Variants in RRP12 observed in about 807,000 individuals in gnomAD.
The protein encoded by RRP12 is RRP12-like protein.
A neutral mutation model predicts 157.3 loss-of-function variants in RRP12; 78 were observed. The ratio of observed to expected loss-of-function variants is 0.50; its 90% CI spans 0.41 to 0.60. The LOEUF is 0.60. Among genes scored for constraint, RRP12 ranks in the 20% least tolerant of loss-of-function variants. RRP12 has a pLI of 0.00. For synonymous variants in RRP12, 726 were observed against 670.9 expected, an observed-to-expected ratio of 1.08 and a Z score of -1.27; for missense variants, 1,521 against 1,679.9, an observed-to-expected ratio of 0.91 and a Z score of 1.65.
At chr10:97,362,216 T>G (rs1843862520) in intron 30 of RRP12, among the ~76,000 whole-genome samples, 2 of 151,792 alleles carry the variant, frequency 1.3e-5, no homozygotes, top group Admixed American at 1.3e-4. Flanking sequence ...GCCCTCTCAG[T>G]GCCTGGAGAC....
chr10:97,378,623 G>A (rs966669284), intron 15 of RRP12, among the ~76,000 whole-genome samples: 1 of 152,090 alleles, frequency 6.6e-6, no homozygotes, highest in Non-Finnish European at 1.5e-5. Flanking sequence ...TTGGGAGGCC[G>A]AGGCAGGCAG....
At chr10:97,381,933 G>C (rs2133070049) in intron 10 of RRP12, 107 bp from the exon 11 acceptor site, 1 of 733,354 alleles carries the variant, frequency 1.4e-6, no homozygotes, top group South Asian at 1.8e-5. Flanking sequence ...CACAAACCCA[G>C]TGATCTGCAG....
At chr10:97,400,913 C>G (rs1374726747) in intron 1 of RRP12, among the ~76,000 whole-genome samples, 180 bp downstream of exon 1, 1 of 152,176 alleles carries the variant, frequency 6.6e-6, no homozygotes, top group Non-Finnish European at 1.5e-5. Context: ...CTGCGGACCT[C>G]AGTTTCTGTA....
chr10:97,359,590 G>C (rs1843791182), intron 31 of RRP12, among the ~76,000 whole-genome samples: 1 of 152,204 alleles, frequency 6.6e-6, no homozygotes, highest in South Asian at 2.1e-4. Flanking sequence ...GACAAGTTGT[G>C]GATGGAATCC....
At chr10:97,373,330 C>T in intron 17 of RRP12, 130 bp from the exon 18 acceptor site, 2 of 1,085,856 alleles carry the variant, frequency 1.8e-6, no homozygotes, top group Non-Finnish European at 2.6e-6. Flanking sequence ...GTTTGGGGCT[C>T]TCTGTGGCAG....
chr10:97,358,322 ACT>A (rs908776149), intron 33 of RRP12, among the ~76,000 whole-genome samples: 5 of 151,916 alleles, frequency 3.3e-5, no homozygotes, highest in African/African-American at 9.7e-5. Context: ...ACAGAGCAAG[ACT>A]CTGTCTCAAA....
chr10:97,357,330 T>G, intron 33 of RRP12, 134 bp from the exon 34 acceptor site: 1 of 592,242 alleles, frequency 1.7e-6, no homozygotes, highest in Admixed American at 3.2e-5. Flanking sequence ...GCACATGAAC[T>G]AGGCAGACCT....
chr10:97,381,112 A>C (rs1230524969), intron 12 of RRP12, among the ~76,000 whole-genome samples, 199 bp from the exon 13 acceptor site: 1 of 152,204 alleles, frequency 6.6e-6, no homozygotes, highest in Non-Finnish European at 1.5e-5. Context: ...AGATAATGCT[A>C]GTGCTTAAAG....
At chr10:97,396,655 C>T (rs971081051) in intron 2 of RRP12, among the ~76,000 whole-genome samples, 5 of 152,096 alleles carry the variant, frequency 3.3e-5, no homozygotes, top group African/African-American at 7.2e-5. Context: ...CTGCAGTTAT[C>T]GAGGGGGGGA....
intron 29 of RRP12, among the ~76,000 whole-genome samples, chr10:97,365,435 A>G (rs1200906091): frequency 6.6e-6 from 1 of 151,966 alleles, no homozygotes; most frequent in Non-Finnish European, 1.5e-5. Context: ...GACCACGCCC[A>G]GCTAATTTTT....
At chr10:97,363,787 G>A in intron 30 of RRP12, 67 bp downstream of exon 30, 1 of 1,353,776 alleles carries the variant, frequency 7.4e-7, no homozygotes, top group African/African-American at 1.4e-5. Flanking sequence ...GTGTGGTGGG[G>A]GTGAGAAGCT....
chr10:97,394,553 C>T (rs1844901442), intron 3 of RRP12, among the ~76,000 whole-genome samples: 1 of 152,008 alleles, frequency 6.6e-6, no homozygotes, highest in Admixed American at 6.6e-5. Flanking sequence ...CAAAGCTTGG[C>T]TAATTATTTT....
chr10:97,391,389 T>C (rs1369624492), intron 4 of RRP12, among the ~76,000 whole-genome samples: 1 of 150,652 alleles, frequency 6.6e-6, no homozygotes, highest in Non-Finnish European at 1.5e-5. Flanking sequence ...CTGACAAACA[T>C]GGAGAAACCC....
intron 16 of RRP12, 37 bp from the exon 17 acceptor site, chr10:97,373,774 C>A: frequency 1.2e-6 from 2 of 1,612,420 alleles, no homozygotes; most frequent in Non-Finnish European, 1.7e-6. Context: ...AGGTGACACG[C>A]AGCCACCTGT....
chr10:97,370,213 G>T lies in RRP12; in HGVS notation c.2751C>A (p.Val917=). 1 of 1,607,390 alleles carries T rather than the reference G, an allele frequency of 6.2e-7. No individual in the cohort carries two copies. Among genetic ancestry groups the T allele is most frequent in the South Asian group, 1.1e-5 (1 of 89,524 alleles). Reference sequence around the variant, plus strand: ...GGGTCAGGGCCAGGATGCTGCAGCTGACCATGGTCACCGCGCCCACCAGGC... The same window carrying T: ...GGGTCAGGGCCAGGATGCTGCAGCTTACCATGGTCACCGCGCCCACCAGGC... ...YPGLVGAVTM[V]SCSILALTHL... Residue 917 remains valine (V), a synonymous_variant, in exon 24 of 34, where the codon GTC becomes GTA. Coordinates refer to ENST00000370992, the MANE Select transcript of RRP12 (RefSeq NM_015179.4).
chr10:97,363,955 T>G, intron 29 of RRP12, 52 bp from the exon 30 acceptor site: 1 of 1,537,364 alleles, frequency 6.5e-7, no homozygotes, highest in South Asian at 1.1e-5. Flanking sequence ...CCTCAAAACC[T>G]ACCCTTTCCT....
intron 3 of RRP12, among the ~76,000 whole-genome samples, chr10:97,394,473 T>C (rs1844899635): frequency 6.6e-6 from 1 of 152,216 alleles, no homozygotes; most frequent in Admixed American, 6.5e-5. Flanking sequence ...CACTGTAACC[T>C]TGAACTTCAA....
chr10:97,378,380 G>A (rs542883481), intron 15 of RRP12, among the ~76,000 whole-genome samples: 43 of 152,286 alleles, frequency 2.8e-4, no homozygotes, highest in African/African-American at 9.9e-4. Flanking sequence ...TACAAACCTG[G>A]ACAGCATGTT....
intron 33 of RRP12, 101 bp from the exon 34 acceptor site, chr10:97,357,297 A>AG (rs1843736373): frequency 1.4e-6 from 1 of 704,568 alleles, no homozygotes; most frequent in Non-Finnish European, 2.4e-6. Flanking sequence ...AGGGATGAGA[A>AG]GGGGGCCTCC....
Sources: gnomAD v4.1 joint callset for allele counts (sites outside exome capture counted in the v4.1 genomes callset) on GRCh38, gnomAD v4.1.1 for gene constraint, MANE v1.5 for transcripts, NCBI Gene and HGNC (gene_info 2026-07-23, HGNC 2026-07-21) for gene names.